The following EDNRA variants were observed in gnomAD, a reference collection of about 807,000 sequenced individuals.
EDNRA encodes the protein endothelin-1 receptor.
EDNRA carries 11 observed loss-of-function variants against 41.4 expected under a neutral mutation model. That is an observed-to-expected ratio of 0.27 (90% confidence interval 0.17 to 0.44). EDNRA has a LOEUF of 0.44. EDNRA is among the 20% of genes least tolerant of loss of function. EDNRA has a pLI of 1.00. For missense variants in EDNRA, 294 were observed against 531.0 expected (o/e 0.55, Z 4.39); for synonymous variants, 172 against 183.0 (o/e 0.94, Z 0.49).
At chr4:147,540,829 CAA>C (rs950793107) in intron 7 of EDNRA, among the ~76,000 whole-genome samples, 2 of 151,830 alleles carry the variant, frequency 1.3e-5, no homozygotes, top group African/African-American at 4.8e-5. Context: ...AGACTTGAAC[CAA>C]AGTCTTGACA....
chr4:147,514,686 C>T (rs1472644226), intron 2 of EDNRA, among the ~76,000 whole-genome samples: 5 of 152,132 alleles, frequency 3.3e-5, no homozygotes, highest in African/African-American at 1.2e-4. Context: ...GTTGGCCAGG[C>T]TGGTCTCGAA....
intron 2 of EDNRA, among the ~76,000 whole-genome samples, chr4:147,509,492 C>T (rs1729845131): frequency 6.6e-6 from 1 of 152,180 alleles, no homozygotes; most frequent in South Asian, 2.1e-4. Context: ...GGGTCCTCAA[C>T]CCCCAGGCTG....
At chr4:147,498,153 G>A (rs570632504) in intron 2 of EDNRA, among the ~76,000 whole-genome samples, 1 of 152,320 alleles carries the variant, frequency 6.6e-6, no homozygotes, top group South Asian at 2.1e-4. Flanking sequence ...ATCTTACAAT[G>A]TAAACACTCC....
chr4:147,513,108 AG>A (rs1277307818), intron 2 of EDNRA, among the ~76,000 whole-genome samples: 1 of 152,214 alleles, frequency 6.6e-6, no homozygotes, highest in African/African-American at 2.4e-5. Context: ...GCTTGGGGTC[AG>A]TCTGCCCCCA....
At chr4:147,496,986 A>C (rs1030828023) in intron 2 of EDNRA, among the ~76,000 whole-genome samples, 1 of 152,118 alleles carries the variant, frequency 6.6e-6, no homozygotes, top group African/African-American at 2.4e-5. Context: ...GATATCTGTC[A>C]TATTTATGTA....
chr4:147,540,240 T>G, intron 6 of EDNRA, 137 bp from the exon 7 acceptor site: 1 of 812,904 alleles, frequency 1.2e-6, no homozygotes, highest in Non-Finnish European at 1.9e-6. Context: ...AAACAAGCAC[T>G]TTTTACAAAA....
rs201825006 is a variant in EDNRA at position 147,520,482 on chromosome 4, T to C, written c.548+504T>C. The C allele has an allele frequency of 8.1e-4, 420 of 518,336 alleles. 6 individuals carry two copies. The highest frequency in any genetic ancestry group is 3.2e-4 in the Middle Eastern group (1 of 3,158). The allele number at this position is 518,336 out of a possible 1,614,324, so 32.1% of individuals were successfully genotyped here. ...ACACCAGAAGCATCCCTTTATCCAA[T>C]TCTGAAAACTCCATCAAATGTCCCG... On this transcript the variant is annotated intron_variant, in intron 3 of 7. Coordinates refer to ENST00000651419, the MANE Select transcript of EDNRA (RefSeq NM_001957.4).
rs997319534 is a variant in EDNRA, at chr4:147,518,351, G to T, written c.421-1500G>T. On this transcript the variant is annotated intron_variant, in intron 2 of 7. Coordinates refer to ENST00000651419, the MANE Select transcript of EDNRA (RefSeq NM_001957.4). ...CAGTGTTTGTGCAAAGAGTTTTGTG[G>T]TTGTCCTTGGACAAAAGTTTATGAG... Among the ~76,000 whole-genome samples, 8 of 152,304 alleles carry T rather than the reference G, an allele frequency of 5.3e-5. No homozygotes were observed. The East Asian group carries it at 1.5e-3, about 29-fold the overall frequency.
chr4:147,540,521 A>G, intron 7 of EDNRA, 36 bp downstream of exon 7: 1 of 1,451,774 alleles, frequency 6.9e-7, no homozygotes, highest in Admixed American at 1.8e-5. Flanking sequence ...TAAAGACAAC[A>G]AAATGAGTAT....
Position 147,485,658 on chromosome 4 carries a change from A to G in EDNRA, c.-24A>G, listed in dbSNP as rs572682648. On this transcript the variant is annotated 5_prime_UTR_variant, in exon 2 of 8. Coordinates refer to ENST00000651419, the MANE Select transcript of EDNRA (RefSeq NM_001957.4). ...AAAAGCAGCACAAGTGCAATAAGAGATATTTCCTCAAATTTGCCTCAAGAT... is the reference window on the plus strand; with the variant it reads ...AAAAGCAGCACAAGTGCAATAAGAGGTATTTCCTCAAATTTGCCTCAAGAT... The G allele has an allele frequency of 2.6e-6, 4 of 1,559,878 alleles. No individual in the cohort carries two copies. The South Asian group carries it at 3.7e-5, about 14-fold the overall frequency.
At position 147,519,706 on chromosome 4, in the gene EDNRA, C is replaced by A; in HGVS notation, c.421-145C>A. On this transcript the variant is annotated intron_variant, in intron 2 of 7. Transcript: ENST00000651419. This position sits in a 1 kb window ranked among gnomAD's most constrained non-coding sequence, Gnocchi z 4.1. The stretch of plus-strand genomic sequence containing the variant: ...TTTAAAATACGAAAGAAAAAAATAA[C>A]AATTCTAATACTCTTTTGCTACAGT... 3.3e-6 allele frequency: 3 copies of A among 913,048 alleles called. No individual in the cohort carries two copies. The highest frequency in any genetic ancestry group is 4.6e-6 in the Non-Finnish European group (3 of 657,156). 56.6% of individuals were successfully genotyped at this position (913,048 alleles called of 1,614,324 possible). A position where few individuals can be genotyped will look rare whatever the true frequency, so the allele number is the denominator to read the frequency against.
intron 3 of EDNRA, among the ~76,000 whole-genome samples, chr4:147,524,645 A>G (rs1730468211): frequency 7.1e-6 from 1 of 141,602 alleles, no homozygotes; most frequent in Non-Finnish European, 1.5e-5. Context: ...TCTCACAAAA[A>G]TCAGCCTTAA....
intron 2 of EDNRA, among the ~76,000 whole-genome samples, chr4:147,518,894 A>G (rs550221049): frequency 3.9e-5 from 6 of 152,330 alleles, no homozygotes; most frequent in African/African-American, 1.4e-4. Context: ...GTTCAGCAGG[A>G]ACTTCCTTCC....
chr4:147,529,426 C>T (rs1451373571), intron 3 of EDNRA, among the ~76,000 whole-genome samples: 2 of 152,020 alleles, frequency 1.3e-5, no homozygotes, highest in African/African-American at 2.4e-5. Flanking sequence ...CAAAGGAGAG[C>T]GCATAGACAG....
At chr4:147,536,465 C>A (rs892801945) in intron 5 of EDNRA, among the ~76,000 whole-genome samples, 2 of 152,080 alleles carry the variant, frequency 1.3e-5, no homozygotes, top group Admixed American at 1.3e-4. Context: ...TATGGAAAGC[C>A]AGGAAGGGTA....
chr4:147,530,879 T>C (rs1023851446), intron 3 of EDNRA, among the ~76,000 whole-genome samples: 8 of 152,202 alleles, frequency 5.3e-5, no homozygotes, highest in African/African-American at 1.9e-4. Flanking sequence ...ATGCATTCGG[T>C]CTGTTTTACA....
intron 3 of EDNRA, among the ~76,000 whole-genome samples, chr4:147,525,769 C>CT (rs1730520745): frequency 6.6e-6 from 1 of 152,136 alleles, no homozygotes; most frequent in African/African-American, 2.4e-5. Flanking sequence ...AGATAAAACT[C>CT]TTTTAACAAC....
intron 3 of EDNRA, among the ~76,000 whole-genome samples, chr4:147,527,311 G>A (rs1013767982): frequency 2.0e-5 from 3 of 152,160 alleles, no homozygotes; most frequent in Non-Finnish European, 4.4e-5. Context: ...ATTCACAGCT[G>A]TGAAACACTA....
At chr4:147,500,104 C>T (rs1214631647) in intron 2 of EDNRA, among the ~76,000 whole-genome samples, 2 of 152,114 alleles carry the variant, frequency 1.3e-5, no homozygotes, top group Admixed American at 1.3e-4. Flanking sequence ...CACACCTAGC[C>T]TCTAAAAGTC....
Sources: gnomAD v4.1 joint callset for allele counts (sites outside exome capture counted in the v4.1 genomes callset) on GRCh38, gnomAD v4.1.1 for gene constraint, Gnocchi (gnomAD v3.1) non-coding constraint, MANE v1.5 for transcripts, NCBI Gene and HGNC (gene_info 2026-07-23, HGNC 2026-07-21) for gene names.